Variants in TSPAN18 observed in about 807,000 individuals in gnomAD.
TSPAN18 encodes the protein tetraspanin-18.
Under a neutral mutation model 27.3 loss-of-function variants are expected in TSPAN18, and 14 were observed. That is an observed-to-expected ratio of 0.51 (90% CI 0.34 to 0.80). TSPAN18 has a LOEUF of 0.80. TSPAN18 is among the 30% of genes least tolerant of loss of function. TSPAN18 has a pLI of 0.01. For synonymous variants in TSPAN18, 143 were observed against 136.5 expected (o/e 1.05, Z -0.33); for missense variants, 268 against 323.9 (o/e 0.83, Z 1.32).
At chr11:44,879,173 C>A (rs1292802597) in intron 3 of TSPAN18, among the ~76,000 whole-genome samples, 1 of 152,202 alleles carries the variant, frequency 6.6e-6, no homozygotes, top group Non-Finnish European at 1.5e-5. Flanking sequence ...GCTGGTGCTG[C>A]ACGTTTCAGC....
At chr11:44,805,322 G>A (rs1040326401) in intron 2 of TSPAN18, among the ~76,000 whole-genome samples, 2 of 152,212 alleles carry the variant, frequency 1.3e-5, no homozygotes, top group African/African-American at 4.8e-5. Context: ...AAGACAGGTG[G>A]CATTCCTGGC....
intron 3 of TSPAN18, chr11:44,903,927 G>C: frequency 2.2e-6 from 1 of 454,326 alleles, no homozygotes; most frequent in South Asian, 1.6e-5. Context: ...TAATCTCATG[G>C]GTTGTTATGA....
intron 2 of TSPAN18, among the ~76,000 whole-genome samples, chr11:44,808,941 G>T (rs1482404726): frequency 6.6e-6 from 1 of 152,104 alleles, no homozygotes; most frequent in African/African-American, 2.4e-5. Flanking sequence ...CTCCTTTCCA[G>T]GCTTACACCC....
At chr11:44,775,844 G>T (rs890791208) in intron 2 of TSPAN18, among the ~76,000 whole-genome samples, 1 of 152,320 alleles carries the variant, frequency 6.6e-6, no homozygotes, top group East Asian at 1.9e-4. Flanking sequence ...AAGCTAAGTG[G>T]CAGACGATTT....
chr11:44,918,606 G>A (rs1247935586), intron 6 of TSPAN18, among the ~76,000 whole-genome samples: 1 of 151,838 alleles, frequency 6.6e-6, no homozygotes, highest in African/African-American at 2.4e-5. Context: ...AAATGGCCCT[G>A]GGGTAGAGGA....
At chr11:44,762,479 A>G (rs1855475929) in intron 1 of TSPAN18, among the ~76,000 whole-genome samples, 1 of 152,190 alleles carries the variant, frequency 6.6e-6, no homozygotes, top group African/African-American at 2.4e-5. Flanking sequence ...AGAGGGTCTC[A>G]CTCCAGAGCG....
intron 5 of TSPAN18, chr11:44,917,528 G>C (rs1258919730): frequency 6.4e-6 from 1 of 155,238 alleles, no homozygotes; most frequent in African/African-American, 2.4e-5. Context: ...GGGGCAGGGA[G>C]AGGTGGCCCT....
intron 2 of TSPAN18, among the ~76,000 whole-genome samples, chr11:44,780,365 G>A (rs1855910498): frequency 6.6e-6 from 1 of 152,240 alleles, no homozygotes; most frequent in Non-Finnish European, 1.5e-5. Flanking sequence ...GGGAGGATGG[G>A]AAGGTTGAGA....
rs568905500 is a variant in TSPAN18, at chr11:44,930,184, A to C, written c.*1006A>C. ...ACTCCCCAGCTCCAAGAGTGGAAGA[A>C]ATCCCCAAGATCATCTGGGTCTCCC... On this transcript the variant is annotated 3_prime_UTR_variant, in exon 10 of 10. Coordinates refer to ENST00000520358, the MANE Select transcript of TSPAN18 (RefSeq NM_130783.5). 1 of 152,564 alleles carries C rather than the reference A, an allele frequency of 6.6e-6. No homozygotes were observed. The highest frequency in any genetic ancestry group is 1.9e-4 in the East Asian group (1 of 5,182). The allele number at this position is 152,564 out of a possible 1,614,324, so 9.5% of individuals were successfully genotyped here.
At chr11:44,809,097 A>C (rs1038609148) in intron 2 of TSPAN18, among the ~76,000 whole-genome samples, 5 of 152,192 alleles carry the variant, frequency 3.3e-5, no homozygotes, top group African/African-American at 1.2e-4. Context: ...ACACTGTTTT[A>C]CAACTGAGGC....
chr11:44,740,328 T>A (rs748333592), intron 1 of TSPAN18, among the ~76,000 whole-genome samples: 1 of 152,008 alleles, frequency 6.6e-6, no homozygotes, highest in Non-Finnish European at 1.5e-5. Flanking sequence ...GTGATAAGGG[T>A]GTCGGTTGGC....
At chr11:44,802,032 G>A (rs911005117) in intron 2 of TSPAN18, among the ~76,000 whole-genome samples, 10 of 151,956 alleles carry the variant, frequency 6.6e-5, no homozygotes, top group Non-Finnish European at 1.0e-4. Flanking sequence ...ACCTTGTCTC[G>A]AACATAAAAA....
intron 2 of TSPAN18, among the ~76,000 whole-genome samples, chr11:44,827,181 T>C (rs1182504039): frequency 6.6e-6 from 1 of 152,252 alleles, no homozygotes; most frequent in African/African-American, 2.4e-5. Flanking sequence ...GATGGTTTTC[T>C]GGCTGGTTGC....
chr11:44,927,337 T>C (rs1436255981), intron 9 of TSPAN18, among the ~76,000 whole-genome samples: 1 of 152,220 alleles, frequency 6.6e-6, no homozygotes, highest in African/African-American at 2.4e-5. Flanking sequence ...CTCCATCATC[T>C]GGGATCTCCG....
chr11:44,884,348 T>C (rs1858578578), intron 3 of TSPAN18, among the ~76,000 whole-genome samples: 1 of 152,206 alleles, frequency 6.6e-6, no homozygotes, highest in East Asian at 1.9e-4. Context: ...GTGCCTTCAT[T>C]GCCTGGTCCT....
Position 44,775,785 on chromosome 11 carries a change from A to G in TSPAN18, c.-153+11273A>G, listed in dbSNP as rs78861045. Among the ~76,000 whole-genome samples, 61 of 152,300 alleles carry G rather than the reference A, an allele frequency of 4.0e-4. 1 individual carries two copies. In the East Asian group the frequency reaches 9.1e-3, roughly 23 times the overall value. On this transcript the variant is annotated intron_variant, in intron 2 of 9. Transcript: ENST00000520358. ...GTCGATGACATCTTTCTCTCCATCA[A>G]TGAATTTATTTTTCATTCCAAGGCA... is the stretch of plus-strand genomic sequence containing the variant.
intron 1 of TSPAN18, among the ~76,000 whole-genome samples, chr11:44,759,802 A>C (rs79733457): frequency 3.3e-5 from 5 of 152,340 alleles, no homozygotes; most frequent in Admixed American, 3.3e-4. Flanking sequence ...TGAGGAACTC[A>C]TAGTCTGGTA....
chr11:44,739,508 C>G (rs964230928), intron 1 of TSPAN18, among the ~76,000 whole-genome samples: 3 of 152,222 alleles, frequency 2.0e-5, no homozygotes, highest in Admixed American at 2.0e-4. Context: ...CCTGTAATCC[C>G]AGCTACTCAG....
At chr11:44,826,592 C>G (rs893631793) in intron 2 of TSPAN18, among the ~76,000 whole-genome samples, 6 of 152,196 alleles carry the variant, frequency 3.9e-5, no homozygotes, top group African/African-American at 7.2e-5. Flanking sequence ...CTTGTCTCAC[C>G]TGGTTTAGAG....
Sources: allele counts gnomAD v4.1 joint callset (sites outside exome capture counted in the v4.1 genomes callset), GRCh38; gene constraint gnomAD v4.1.1; transcripts MANE v1.5; gene names NCBI Gene and HGNC (gene_info 2026-07-23, HGNC 2026-07-21).